EPHA4: variants seen among roughly 807,000 people sequenced by gnomAD.
EPHA4 encodes the protein ephrin type-A receptor 4.
A neutral mutation model predicts 108.3 loss-of-function variants in EPHA4; 19 were observed. That is an observed-to-expected ratio of 0.18 (90% confidence interval 0.12 to 0.26). The LOEUF is 0.26. EPHA4 is among the 10% of genes least tolerant of loss of function. The probability of loss-of-function intolerance (pLI) is 1.00; values close to 1 mark genes in which losing one functional copy is unlikely to be tolerated. For synonymous variants in EPHA4, 449 were observed against 455.5 expected, an observed-to-expected ratio of 0.99 and a Z score of 0.18; for missense variants, 917 against 1,254.0, an observed-to-expected ratio of 0.73 and a Z score of 4.06.
At chr2:221,458,674 AGGC>A (rs1250142927) in intron 5 of EPHA4, among the ~76,000 whole-genome samples, 1 of 152,164 alleles carries the variant, frequency 6.6e-6, no homozygotes, top group African/African-American at 2.4e-5. Context: ...AAGGACACAA[AGGC>A]AGCCCTCTAG....
At position 221,500,160 on chromosome 2, in the gene EPHA4, A is replaced by G. The variant is rs116354409; in HGVS notation, c.979+857T>C. On this transcript the variant is annotated intron_variant, in intron 4 of 17. Transcript: ENST00000281821. ...CAACCATTAGGAGGCACTGTTATTA[A>G]CTCCATTCTCCAGGTGAGGAAACAG... is the stretch of plus-strand genomic sequence containing the variant. Among the ~76,000 whole-genome samples the G allele has an allele frequency of 3.0e-3, 464 of 152,144 alleles. 1 individual carries two copies. Among genetic ancestry groups the G allele is most frequent in the African/African-American group, 0.01 (435 of 41,506 alleles).
At chr2:221,483,068 A>T (rs1691878037) in intron 4 of EPHA4, among the ~76,000 whole-genome samples, 1 of 152,184 alleles carries the variant, frequency 6.6e-6, no homozygotes, top group South Asian at 2.1e-4. Context: ...CCGTTGTGAG[A>T]CTCTGATAAA....
At chr2:221,566,330 C>T (rs910930666) in intron 2 of EPHA4, among the ~76,000 whole-genome samples, 2 of 151,822 alleles carry the variant, frequency 1.3e-5, no homozygotes, top group African/African-American at 2.4e-5. Flanking sequence ...AATGTCCTAA[C>T]TGCAAGCAGA....
At chr2:221,490,466 T>A (rs1296318321) in intron 4 of EPHA4, among the ~76,000 whole-genome samples, 4 of 151,956 alleles carry the variant, frequency 2.6e-5, no homozygotes, top group Non-Finnish European at 5.9e-5. Flanking sequence ...AAATGGAGCA[T>A]CCCCCAAGAG....
intron 5 of EPHA4, among the ~76,000 whole-genome samples, chr2:221,474,391 A>G (rs945697071): frequency 6.6e-6 from 1 of 150,930 alleles, no homozygotes; most frequent in African/African-American, 2.4e-5. Flanking sequence ...AATTCTTCTC[A>G]GTATAAGGTT....
intron 3 of EPHA4, among the ~76,000 whole-genome samples, chr2:221,526,831 C>A (rs1439402883): frequency 9.1e-6 from 1 of 110,040 alleles, no homozygotes; most frequent in Non-Finnish European, 1.7e-5. Context: ...CCAGCCTGGG[C>A]AATATAGCCA....
At chr2:221,496,132 C>T (rs986931543) in intron 4 of EPHA4, among the ~76,000 whole-genome samples, 16 of 152,078 alleles carry the variant, frequency 1.1e-4, no homozygotes, top group African/African-American at 2.9e-4. Flanking sequence ...CTGGGGGCAG[C>T]GTGCGAGTGG....
intron 3 of EPHA4, among the ~76,000 whole-genome samples, chr2:221,512,922 G>A (rs1692871409): frequency 6.6e-6 from 1 of 152,228 alleles, no homozygotes; most frequent in East Asian, 1.9e-4. Context: ...ATTTTAAGGA[G>A]TGATCTCTGG....
Position 221,572,155 on chromosome 2 carries a change from T to C in EPHA4, c.91+3A>G. 2 of 1,613,506 alleles carry C rather than the reference T, an allele frequency of 1.2e-6. No homozygotes were observed. The highest frequency in any genetic ancestry group is 1.7e-6 in the Non-Finnish European group (2 of 1,179,492). ...GACCACAGAAAGGCCGTCCCGCTCT[T>C]ACCTTCATTCGCGGGGTATACCCTG... On this transcript the variant is annotated splice_donor_region_variant and intron_variant, in intron 1 of 17. Coordinates refer to ENST00000281821, the MANE Select transcript of EPHA4 (RefSeq NM_004438.5).
At chr2:221,506,070 C>T (rs1692622214) in intron 3 of EPHA4, among the ~76,000 whole-genome samples, 1 of 152,064 alleles carries the variant, frequency 6.6e-6, no homozygotes, top group Non-Finnish European at 1.5e-5. Flanking sequence ...ACGCTGGTCT[C>T]CATACAATAT....
At chr2:221,480,916 T>G (rs1013361722) in intron 5 of EPHA4, among the ~76,000 whole-genome samples, 3 of 152,230 alleles carry the variant, frequency 2.0e-5, no homozygotes, top group African/African-American at 7.2e-5. Flanking sequence ...TTTACTAAAC[T>G]ATTGAGTGCA....
chr2:221,496,087 C>T (rs182418302), intron 4 of EPHA4, among the ~76,000 whole-genome samples: 98 of 152,244 alleles, frequency 6.4e-4, no homozygotes, highest in East Asian at 7.7e-4. Flanking sequence ...ATGCTGCTTC[C>T]CATCCCCACA....
chr2:221,434,378 C>G, intron 13 of EPHA4, 87 bp from the exon 14 acceptor site: 1 of 1,380,036 alleles, frequency 7.2e-7, no homozygotes. Context: ...GCTAGCCAAG[C>G]AGGACAACAG....
chr2:221,536,783 G>A (rs1195750898), intron 3 of EPHA4, among the ~76,000 whole-genome samples: 1 of 152,226 alleles, frequency 6.6e-6, no homozygotes, highest in Admixed American at 6.5e-5. Flanking sequence ...AGACTTTGCA[G>A]GTTGAATCCA....
chr2:221,569,154 G>A (rs1195615111), intron 1 of EPHA4, among the ~76,000 whole-genome samples: 2 of 152,116 alleles, frequency 1.3e-5, no homozygotes, highest in Non-Finnish European at 2.9e-5. Flanking sequence ...GTATCTACTA[G>A]AATTATTTGT....
In EPHA4 at chr2:221,456,700, G is replaced by A. The variant is rs552992707; in HGVS notation, c.1516C>T (p.Leu506Phe). The A allele has an allele frequency of 7.4e-6, 12 of 1,614,046 alleles. No homozygotes were observed. The South Asian group carries it at 1.3e-4, about 18-fold the overall frequency. The change falls in exon 7 of 18, where the codon CTC becomes TTC. Residue 506 changes from leucine (L) to phenylalanine (F), a missense_variant. Coordinates refer to ENST00000281821, the MANE Select transcript of EPHA4 (RefSeq NM_004438.5). ...RNTDIKGLNP[L>F]TSYVFHVRAR... ...CGCACGTGGAAAACATAGGAAGTGA[G>A]AGGGTTCAGGCCTTTGATATCTGTG...
At chr2:221,428,169 C>T (rs969625888) in intron 15 of EPHA4, among the ~76,000 whole-genome samples, 3 of 152,060 alleles carry the variant, frequency 2.0e-5, no homozygotes, top group African/African-American at 7.2e-5. Context: ...TGACTTTAAG[C>T]CAAAAGCATT....
chr2:221,434,728 C>T (rs1574559370), intron 13 of EPHA4, among the ~76,000 whole-genome samples: 4 of 152,088 alleles, frequency 2.6e-5, no homozygotes, highest in Admixed American at 2.6e-4. Flanking sequence ...TAAATATGAA[C>T]ATTTCTATCC....
At chr2:221,455,807 C>G (rs559331517) in intron 7 of EPHA4, 149 bp from the exon 8 acceptor site, 1 of 633,250 alleles carries the variant, frequency 1.6e-6, no homozygotes, top group South Asian at 2.1e-5. Context: ...TTGAATGTAC[C>G]TCCTTCCCCG....
Sources: gnomAD v4.1 joint callset for allele counts (sites outside exome capture counted in the v4.1 genomes callset) on GRCh38, gnomAD v4.1.1 for gene constraint, MANE v1.5 for transcripts, NCBI Gene and HGNC (gene_info 2026-07-23, HGNC 2026-07-21) for gene names.